SGCZ: variants seen among roughly 807,000 people sequenced by gnomAD.
SGCZ encodes the protein zeta-sarcoglycan.
Under a neutral mutation model 41.3 loss-of-function variants are expected in SGCZ, and 40 were observed. The ratio of observed to expected loss-of-function variants is 0.97; its 90% CI spans 0.75 to 1.26. The LOEUF is 1.26. Ranked by LOEUF, SGCZ falls within the 50% of genes most tolerant of loss-of-function variation. The pLI is 0.00. For missense variants in SGCZ, 552 were observed against 369.8 expected, an observed-to-expected ratio of 1.49 and a Z score of -4.04; for synonymous variants, 206 against 137.5, an observed-to-expected ratio of 1.50 and a Z score of -3.49.
intron 2 of SGCZ, among the ~76,000 whole-genome samples, chr8:14,544,039 G>A (rs1246661225): frequency 6.6e-6 from 1 of 152,086 alleles, no homozygotes; most frequent in Non-Finnish European, 1.5e-5. Context: ...GTAATTATTT[G>A]TAAGAGGGCT....
intron 1 of SGCZ, among the ~76,000 whole-genome samples, chr8:15,012,076 C>T (rs1053922491): frequency 1.3e-5 from 2 of 152,152 alleles, no homozygotes; most frequent in East Asian, 1.9e-4. Flanking sequence ...CTCTTAAAAT[C>T]CATCTTTGTC....
chr8:14,623,287 C>T (rs963159580), intron 1 of SGCZ, among the ~76,000 whole-genome samples: 1 of 152,182 alleles, frequency 6.6e-6, no homozygotes, highest in African/African-American at 2.4e-5. Context: ...ATTCATAACA[C>T]ATTAGTTTGC....
At chr8:15,152,173 T>C (rs1049401081) in intron 1 of SGCZ, among the ~76,000 whole-genome samples, 4 of 152,300 alleles carry the variant, frequency 2.6e-5, no homozygotes, top group Non-Finnish European at 4.4e-5. Flanking sequence ...ATAATAAAGA[T>C]GTCAAGCTGT....
intron 2 of SGCZ, among the ~76,000 whole-genome samples, chr8:14,358,039 G>A (rs1442403057): frequency 6.6e-6 from 1 of 152,086 alleles, no homozygotes; most frequent in Non-Finnish European, 1.5e-5. Flanking sequence ...CCGTGTTTAT[G>A]CATGTATTCG....
At chr8:14,621,402 G>A (rs1040210942) in intron 1 of SGCZ, among the ~76,000 whole-genome samples, 6 of 151,600 alleles carry the variant, frequency 4.0e-5, no homozygotes, top group South Asian at 4.2e-4. Flanking sequence ...AAACCTGCAC[G>A]TTGTGCACAT....
chr8:14,852,703 C>T (rs1803376781), intron 1 of SGCZ, among the ~76,000 whole-genome samples: 1 of 152,138 alleles, frequency 6.6e-6, no homozygotes, highest in Non-Finnish European at 1.5e-5. Context: ...TTGGCAACCA[C>T]AGCTTGTATA....
intron 2 of SGCZ, among the ~76,000 whole-genome samples, chr8:14,488,193 G>T (rs1404709834): frequency 7.4e-6 from 1 of 134,938 alleles, no homozygotes. Flanking sequence ...GTTCCCTACT[G>T]TCTCACTAGT....
intron 1 of SGCZ, among the ~76,000 whole-genome samples, chr8:14,642,253 G>T (rs1241714784): frequency 6.6e-6 from 1 of 151,460 alleles, no homozygotes; most frequent in South Asian, 2.1e-4. Flanking sequence ...TACAAAGTAG[G>T]TGAAATAATT....
chr8:14,814,774 T>C (rs533324448), intron 1 of SGCZ, among the ~76,000 whole-genome samples: 1 of 152,168 alleles, frequency 6.6e-6, no homozygotes, highest in Non-Finnish European at 1.5e-5. Context: ...AGACTATTTC[T>C]TTTTTCTTGA....
At chr8:14,595,794 T>A (rs1333302944) in intron 1 of SGCZ, among the ~76,000 whole-genome samples, 1 of 152,226 alleles carries the variant, frequency 6.6e-6, no homozygotes, top group African/African-American at 2.4e-5. Context: ...GCTGCCTTAT[T>A]GAGTGGAAAA....
intron 2 of SGCZ, among the ~76,000 whole-genome samples, chr8:14,503,263 A>G (rs1802206783): frequency 6.6e-6 from 1 of 152,052 alleles, no homozygotes; most frequent in Admixed American, 6.6e-5. Context: ...ATATGGGGAC[A>G]GGGAGGGGAA....
At chr8:14,998,993 G>A (rs1232162935) in intron 1 of SGCZ, among the ~76,000 whole-genome samples, 1 of 152,132 alleles carries the variant, frequency 6.6e-6, no homozygotes, top group Non-Finnish European at 1.5e-5. Flanking sequence ...GGTACACTTG[G>A]ATTTAATATC....
intron 1 of SGCZ, among the ~76,000 whole-genome samples, chr8:14,618,013 A>AT (rs1017658022): frequency 6.6e-6 from 1 of 151,976 alleles, no homozygotes; most frequent in Non-Finnish European, 1.5e-5. Flanking sequence ...TTGAGTTTCC[A>AT]TTTTTCTGAG....
At chr8:14,221,819 C>T (rs1246035163) in intron 4 of SGCZ, among the ~76,000 whole-genome samples, 1 of 151,874 alleles carries the variant, frequency 6.6e-6, no homozygotes, top group Non-Finnish European at 1.5e-5. Context: ...TGCCTGTAAT[C>T]TCAGCTGGGT....
intron 1 of SGCZ, among the ~76,000 whole-genome samples, chr8:15,186,444 T>C (rs976127090): frequency 6.6e-6 from 1 of 152,122 alleles, no homozygotes; most frequent in African/African-American, 2.4e-5. Context: ...GTAAAAACTG[T>C]AATCAGTATT....
At chr8:15,035,641 C>T (rs922832824) in intron 1 of SGCZ, among the ~76,000 whole-genome samples, 3 of 151,986 alleles carry the variant, frequency 2.0e-5, no homozygotes, top group African/African-American at 7.2e-5. Flanking sequence ...AAAGTAAAGG[C>T]TGAAAAGATA....
At chr8:14,545,172 A>G (rs7011555) in intron 2 of SGCZ, among the ~76,000 whole-genome samples, 2,869 of 152,244 alleles carry the variant, frequency 0.019, 90 homozygotes, top group African/African-American at 0.064. Flanking sequence ...ATGTCCCCCA[A>G]TAAACACTGA....
intron 1 of SGCZ, among the ~76,000 whole-genome samples, chr8:14,663,110 T>C (rs996860212): frequency 2.6e-5 from 4 of 152,278 alleles, no homozygotes; most frequent in Non-Finnish European, 4.4e-5. Flanking sequence ...AACTATAACA[T>C]TGGTGTCTTT....
At chr8:14,258,121 G>C (rs1042878164) in intron 3 of SGCZ, among the ~76,000 whole-genome samples, 2 of 152,108 alleles carry the variant, frequency 1.3e-5, no homozygotes, top group Admixed American at 1.3e-4. Flanking sequence ...TTAATTATGA[G>C]ATCACTTTAT....
Sources: allele counts gnomAD v4.1 joint callset (sites outside exome capture counted in the v4.1 genomes callset), GRCh38; gene constraint gnomAD v4.1.1; transcripts MANE v1.5; gene names NCBI Gene and HGNC (gene_info 2026-07-23, HGNC 2026-07-21).